Variants in TMEM132D observed in about 807,000 individuals in gnomAD.
TMEM132D encodes the protein mature OL transmembrane protein.
TMEM132D carries 21 observed loss-of-function variants against 62.3 expected under a neutral mutation model. That is an observed-to-expected ratio of 0.34 (90% CI 0.24 to 0.49). TMEM132D has a LOEUF of 0.49. Ranked by LOEUF, TMEM132D falls within the 20% of genes least tolerant of loss-of-function variation. The pLI, the probability that TMEM132D is intolerant of heterozygous loss-of-function variation, is 0.99. For synonymous variants in TMEM132D, 621 were observed against 575.6 expected (o/e 1.08, Z -1.13); for missense variants, 1,346 against 1,402.8 (o/e 0.96, Z 0.65).
intron 1 of TMEM132D, among the ~76,000 whole-genome samples, chr12:129,823,815 A>G (rs1872594212): frequency 6.6e-6 from 1 of 152,244 alleles, no homozygotes; most frequent in Admixed American, 6.5e-5. Flanking sequence ...CCTATCTTAT[A>G]GGGCTTAATA....
chr12:129,665,061 C>G (rs1487118541), intron 2 of TMEM132D, among the ~76,000 whole-genome samples: 1 of 152,138 alleles, frequency 6.6e-6, no homozygotes, highest in African/African-American at 2.4e-5. Flanking sequence ...TACTAACACA[C>G]AGTTAGTGTT....
At chr12:129,862,273 A>G (rs1311121938) in intron 1 of TMEM132D, among the ~76,000 whole-genome samples, 1 of 152,228 alleles carries the variant, frequency 6.6e-6, no homozygotes, top group Admixed American at 6.5e-5. Flanking sequence ...GATGCTCTCA[A>G]CTCTAAATTT....
intron 5 of TMEM132D, among the ~76,000 whole-genome samples, chr12:129,169,557 T>C (rs896815060): frequency 5.3e-5 from 8 of 152,246 alleles, no homozygotes; most frequent in Non-Finnish European, 1.0e-4. Flanking sequence ...ACTTGGTTGT[T>C]CTGTTATCTT....
intron 3 of TMEM132D, among the ~76,000 whole-genome samples, chr12:129,480,157 C>G (rs540683997): frequency 6.6e-6 from 1 of 152,194 alleles, no homozygotes; most frequent in Non-Finnish European, 1.5e-5. Flanking sequence ...GTCCAGGCAG[C>G]GGGGAATACC....
chr12:129,500,091 A>C (rs1875085942), intron 3 of TMEM132D, among the ~76,000 whole-genome samples: 1 of 147,112 alleles, frequency 6.8e-6, no homozygotes, highest in Non-Finnish European at 1.5e-5. Context: ...GCGGGGAGGC[A>C]ATTCACCTGA....
chr12:129,075,082 T>TAATC lies in TMEM132D; in HGVS notation c.2116-27_2116-24dup, dbSNP rs755184954. Reference sequence around the variant, plus strand: ...TTCCTATGGAGAAAAATATGTAAGTTAATCAAATGGGCCAAAAAGCTCATT... The same window carrying TAATC: ...TTCCTATGGAGAAAAATATGTAAGTTAATCAATCAAATGGGCCAAAAAGCTCATT... On this transcript the variant is annotated intron_variant, in intron 8 of 8. Transcript: ENST00000422113. The TAATC allele has an allele frequency of 7.0e-6, 11 of 1,580,152 alleles. No individual in the cohort carries two copies. In the South Asian group the frequency reaches 8.0e-5, roughly 11 times the overall value.
At chr12:129,127,536 T>C (rs1334663112) in intron 5 of TMEM132D, among the ~76,000 whole-genome samples, 2 of 152,064 alleles carry the variant, frequency 1.3e-5, no homozygotes, top group African/African-American at 4.8e-5. Context: ...AAATCTGCCA[T>C]TTAAAAGTCA....
At chr12:129,546,257 A>G (rs1876733833) in intron 2 of TMEM132D, among the ~76,000 whole-genome samples, 1 of 152,234 alleles carries the variant, frequency 6.6e-6, no homozygotes, top group Non-Finnish European at 1.5e-5. Flanking sequence ...TCATGTACCA[A>G]AAAAGCTTCA....
chr12:129,130,494 G>C (rs77351999), intron 5 of TMEM132D, among the ~76,000 whole-genome samples: 5 of 152,086 alleles, frequency 3.3e-5, no homozygotes, highest in Admixed American at 6.5e-5. Context: ...CACCGTCCGC[G>C]GTCTGCTGCC....
chr12:129,764,024 G>T (rs1400062933), intron 1 of TMEM132D, among the ~76,000 whole-genome samples: 2 of 152,154 alleles, frequency 1.3e-5, no homozygotes, highest in East Asian at 3.9e-4. Flanking sequence ...TCTGCCTAGA[G>T]AACCTGCCCC....
At chr12:129,478,281 G>T (rs948524750) in intron 3 of TMEM132D, among the ~76,000 whole-genome samples, 27 of 152,126 alleles carry the variant, frequency 1.8e-4, no homozygotes, top group Admixed American at 1.7e-3. Context: ...CTCTACCATG[G>T]ACTTCATAAA....
chr12:129,242,325 G>A (rs1354197828), intron 4 of TMEM132D, among the ~76,000 whole-genome samples: 1 of 152,230 alleles, frequency 6.6e-6, no homozygotes, highest in African/African-American at 2.4e-5. Flanking sequence ...TATGCACACA[G>A]TGAGTGCATA....
intron 3 of TMEM132D, among the ~76,000 whole-genome samples, chr12:129,367,807 A>T (rs1164923571): frequency 1.4e-5 from 2 of 138,826 alleles, no homozygotes; most frequent in East Asian, 2.1e-4. Context: ...TTTTTTTGAG[A>T]CAGAGTCTTG....
chr12:129,270,458 C>T (rs1450951237), intron 4 of TMEM132D, among the ~76,000 whole-genome samples: 4 of 152,172 alleles, frequency 2.6e-5, no homozygotes, highest in Non-Finnish European at 5.9e-5. Context: ...ATTAGTGTGT[C>T]ATGTAATCTT....
intron 2 of TMEM132D, among the ~76,000 whole-genome samples, chr12:129,571,782 A>T (rs2137119905): frequency 6.6e-6 from 1 of 152,256 alleles, no homozygotes; most frequent in African/African-American, 2.4e-5. Flanking sequence ...TGCAAAGGGA[A>T]GAAAGTACAC....
At chr12:129,519,982 G>A (rs1220678601) in intron 3 of TMEM132D, among the ~76,000 whole-genome samples, 1 of 152,092 alleles carries the variant, frequency 6.6e-6, no homozygotes, top group African/African-American at 2.4e-5. Flanking sequence ...AATACATTTT[G>A]CAACTTATAA....
intron 3 of TMEM132D, among the ~76,000 whole-genome samples, chr12:129,495,070 G>A (rs569647148): frequency 1.2e-4 from 18 of 152,244 alleles, no homozygotes; most frequent in African/African-American, 4.1e-4. Context: ...TGCCTGATAG[G>A]GAAAAACAGA....
intron 3 of TMEM132D, among the ~76,000 whole-genome samples, chr12:129,431,669 A>G (rs7308676): frequency 0.53 from 80,721 of 152,006 alleles, 21,743 homozygotes; most frequent in East Asian, 0.76. Context: ...CGTTCATGCA[A>G]CATCCATATA....
At chr12:129,259,013 G>A (rs986455568) in intron 4 of TMEM132D, among the ~76,000 whole-genome samples, 1 of 152,170 alleles carries the variant, frequency 6.6e-6, no homozygotes, top group African/African-American at 2.4e-5. Context: ...TGTGTCTTGG[G>A]TAGAGTCTAG....
Sources: gnomAD v4.1 joint callset for allele counts (sites outside exome capture counted in the v4.1 genomes callset) on GRCh38, gnomAD v4.1.1 for gene constraint, MANE v1.5 for transcripts, NCBI Gene and HGNC (gene_info 2026-07-23, HGNC 2026-07-21) for gene names.